The following RAD18 variants were observed in gnomAD, a reference collection of about 807,000 sequenced individuals.
The protein encoded by RAD18 is RAD18 E3 ubiquitin protein ligase.
Under a neutral mutation model 60.4 loss-of-function variants are expected in RAD18, and 47 were observed. The ratio of observed to expected loss-of-function variants is 0.78; its 90% confidence interval spans 0.62 to 0.99. The LOEUF (loss-of-function observed/expected upper bound fraction) is 0.99, where lower values mean the gene tolerates loss of function less well. RAD18 is among the 50% of genes least tolerant of loss of function. The pLI is 0.00. For synonymous variants in RAD18, 225 were observed against 195.5 expected, an observed-to-expected ratio of 1.15 and a Z score of -1.26; for missense variants, 640 against 593.3, an observed-to-expected ratio of 1.08 and a Z score of -0.82.
intron 2 of RAD18, among the ~76,000 whole-genome samples, chr3:8,953,022 C>T (rs1940951308): frequency 6.6e-6 from 1 of 152,040 alleles, no homozygotes; most frequent in South Asian, 2.1e-4. Flanking sequence ...ATGGTTTCTA[C>T]TGAATGTGTA....
chr3:8,945,591 C>T (rs1038487835), intron 4 of RAD18, among the ~76,000 whole-genome samples: 1 of 151,050 alleles, frequency 6.6e-6, no homozygotes, highest in East Asian at 2.0e-4. Flanking sequence ...CCTGCCTCAG[C>T]CTCCCAAGTA....
chr3:8,893,926 G>A (rs1353444921), intron 11 of RAD18, among the ~76,000 whole-genome samples: 1 of 152,070 alleles, frequency 6.6e-6, no homozygotes, highest in South Asian at 2.1e-4. Context: ...CCAGGCTCAA[G>A]TGATCCTCCC....
chr3:8,906,403 C>T (rs1410308633), intron 9 of RAD18, among the ~76,000 whole-genome samples: 1 of 152,086 alleles, frequency 6.6e-6, no homozygotes, highest in Non-Finnish European at 1.5e-5. Flanking sequence ...CACAGTAAAA[C>T]CTCCCCCGAA....
intron 3 of RAD18, 86 bp from the exon 4 acceptor site, chr3:8,947,376 C>T (rs1940855296): frequency 9.3e-7 from 1 of 1,072,002 alleles, no homozygotes. Context: ...TCTGACCCAT[C>T]CTCCTGAGGT....
chr3:8,916,492 C>T (rs1299139723), intron 7 of RAD18, among the ~76,000 whole-genome samples: 1 of 152,098 alleles, frequency 6.6e-6, no homozygotes. Context: ...AAAAGTCTGG[C>T]ACCTCAGACT....
intron 7 of RAD18, among the ~76,000 whole-genome samples, chr3:8,927,316 C>T (rs1575550641): frequency 6.6e-6 from 1 of 152,104 alleles, no homozygotes; most frequent in African/African-American, 2.4e-5. Context: ...AAAATGCTCA[C>T]CATCACTGGC....
chr3:8,951,929 C>G (rs763416518), intron 2 of RAD18, among the ~76,000 whole-genome samples: 32 of 152,220 alleles, frequency 2.1e-4, no homozygotes, highest in South Asian at 4.1e-4. Context: ...ACTGCGTCCT[C>G]CCATGAGGGG....
intron 9 of RAD18, 91 bp downstream of exon 9, chr3:8,912,221 C>T (rs1212614687): frequency 4.9e-6 from 5 of 1,020,268 alleles, no homozygotes; most frequent in Admixed American, 3.3e-5. Flanking sequence ...TTGAATTGAA[C>T]CTTAATATAA....
intron 2 of RAD18, among the ~76,000 whole-genome samples, chr3:8,956,916 C>T (rs11719780): frequency 1.3e-5 from 2 of 151,984 alleles, no homozygotes; most frequent in South Asian, 2.1e-4. Context: ...CAGGATGTCC[C>T]TCCACACCAC....
chr3:8,944,100 CAA>C (rs1940800657), intron 4 of RAD18, among the ~76,000 whole-genome samples: 1 of 152,006 alleles, frequency 6.6e-6, no homozygotes, highest in African/African-American at 2.4e-5. Flanking sequence ...ATTACCAAAA[CAA>C]AGAATTAAAA....
chr3:8,933,552 G>C (rs446923), intron 7 of RAD18, among the ~76,000 whole-genome samples: 107,250 of 152,062 alleles, frequency 0.71, 38,266 homozygotes, highest in Middle Eastern at 0.78. Flanking sequence ...TTGTATTTTT[G>C]TGTACAAGCA....
At chr3:8,959,083 TA>T (rs574448646) in intron 1 of RAD18, 82 bp from the exon 2 acceptor site, 4,298 of 912,198 alleles carry the variant, frequency 4.7e-3, no homozygotes, top group South Asian at 5.8e-3. Context: ...CTCTATCCCC[TA>T]AAAAAAAAAT....
chr3:8,928,781 C>G (rs1940496647), intron 7 of RAD18, among the ~76,000 whole-genome samples: 1 of 152,090 alleles, frequency 6.6e-6, no homozygotes, highest in African/African-American at 2.4e-5. Context: ...ATTTACAGAT[C>G]ACTGCACAAA....
At chr3:8,913,610 T>A (rs1940142600) in intron 8 of RAD18, 34 bp downstream of exon 8, 1 of 1,409,560 alleles carries the variant, frequency 7.1e-7, no homozygotes, top group Non-Finnish European at 9.6e-7. Context: ...TTTCTTCATT[T>A]CTATCCATAT....
At position 8,881,243 on chromosome 3, in the gene RAD18, A is replaced by G; in HGVS notation, c.*114T>C. 8.4e-6 allele frequency: 7 copies of G among 837,702 alleles called. No homozygotes were observed. The highest frequency in any genetic ancestry group is 1.3e-5 in the Non-Finnish European group (7 of 532,152). The allele number at this position is 837,702 out of a possible 1,614,324, so 51.9% of individuals were successfully genotyped here. On this transcript the variant is annotated 3_prime_UTR_variant, in exon 13 of 13. Transcript: ENST00000264926. The stretch of plus-strand genomic sequence containing the variant: ...AAAAGAATGAATATCAGCTAACCGT[A>G]ATATTTAGAATTTAGCATCTTTCCT...
chr3:8,962,815 G>C (rs1941112615), intron 1 of RAD18, among the ~76,000 whole-genome samples: 1 of 152,222 alleles, frequency 6.6e-6, no homozygotes, highest in Non-Finnish European at 1.5e-5. Context: ...TTAGAGAAGA[G>C]TGAAGGTGTG....
chr3:8,943,179 A>G (rs1376636383), intron 4 of RAD18, among the ~76,000 whole-genome samples: 2 of 152,220 alleles, frequency 1.3e-5, no homozygotes, highest in Non-Finnish European at 2.9e-5. Context: ...TTCAACCACA[A>G]TGTTCAGCAC....
At chr3:8,900,815 T>C (rs764608594) in intron 10 of RAD18, among the ~76,000 whole-genome samples, 23 of 152,108 alleles carry the variant, frequency 1.5e-4, no homozygotes, top group Non-Finnish European at 3.1e-4. Context: ...CTCTCAGACA[T>C]CTCATTCATG....
intron 1 of RAD18, among the ~76,000 whole-genome samples, chr3:8,961,277 G>A (rs996158457): frequency 6.6e-6 from 1 of 152,200 alleles, no homozygotes; most frequent in African/African-American, 2.4e-5. Context: ...TGCCTGAATA[G>A]AGAGTGGTCA....
Sources: gnomAD v4.1 joint callset for allele counts (sites outside exome capture counted in the v4.1 genomes callset) on GRCh38, gnomAD v4.1.1 for gene constraint, MANE v1.5 for transcripts, NCBI Gene and HGNC (gene_info 2026-07-23, HGNC 2026-07-21) for gene names.